PTPRN2: variants seen among roughly 807,000 people sequenced by gnomAD.
PTPRN2 encodes the protein protein tyrosine phosphatase receptor type N2, also known as receptor-type tyrosine-protein phosphatase N2.
In PTPRN2, 74 loss-of-function variants were observed where a neutral mutation model predicts 118.8. The observed-to-expected ratio is 0.62, with a 90% CI of 0.52 to 0.76. The LOEUF is 0.76. Ranked by LOEUF, PTPRN2 falls within the 30% of genes least tolerant of loss-of-function variation. The pLI, the probability that PTPRN2 is intolerant of heterozygous loss-of-function variation, is 0.00. For synonymous variants in PTPRN2, 641 were observed against 608.0 expected (o/e 1.05, Z -0.80); for missense variants, 1,481 against 1,394.4 (o/e 1.06, Z -0.99).
chr7:157,841,945 T>TC (rs1288046547), intron 12 of PTPRN2, among the ~76,000 whole-genome samples: 1 of 151,880 alleles, frequency 6.6e-6, no homozygotes, highest in Non-Finnish European at 1.5e-5. Flanking sequence ...TCCCTTTCTC[T>TC]CCCCCATAAT....
intron 12 of PTPRN2, among the ~76,000 whole-genome samples, chr7:157,897,248 C>CT (rs1797180407): frequency 6.6e-6 from 1 of 152,126 alleles, no homozygotes; most frequent in Non-Finnish European, 1.5e-5. Context: ...AGGAGACGCA[C>CT]CTCCGACATC....
chr7:158,439,915 T>G (rs1192888739), intron 2 of PTPRN2, among the ~76,000 whole-genome samples: 2 of 152,212 alleles, frequency 1.3e-5, no homozygotes, highest in Non-Finnish European at 2.9e-5. Flanking sequence ...GGCTGACTGA[T>G]TTATTGATGA....
intron 3 of PTPRN2, among the ~76,000 whole-genome samples, chr7:158,238,669 C>G (rs952067386): frequency 4.6e-5 from 7 of 152,262 alleles, no homozygotes; most frequent in Admixed American, 2.0e-4. Flanking sequence ...AAGCACGGGT[C>G]GCAGCTCCAC....
At chr7:158,482,696 A>G (rs1820731297) in intron 2 of PTPRN2, among the ~76,000 whole-genome samples, 1 of 152,112 alleles carries the variant, frequency 6.6e-6, no homozygotes, top group Admixed American at 6.5e-5. Flanking sequence ...CTGGAATTGA[A>G]CCCACAATAT....
intron 2 of PTPRN2, among the ~76,000 whole-genome samples, chr7:158,393,760 TG>T: frequency 6.6e-6 from 1 of 152,132 alleles, no homozygotes; most frequent in Non-Finnish European, 1.5e-5. Flanking sequence ...ATGACGTGAT[TG>T]CAACACACTT....
chr7:157,816,505 A>G (rs1303991841), intron 12 of PTPRN2, among the ~76,000 whole-genome samples: 2 of 152,214 alleles, frequency 1.3e-5, no homozygotes, highest in Non-Finnish European at 2.9e-5. Flanking sequence ...GCTGCACTGG[A>G]TATGAGTGAG....
chr7:158,332,774 C>A (rs55778281), intron 2 of PTPRN2, among the ~76,000 whole-genome samples: 1 of 151,990 alleles, frequency 6.6e-6, no homozygotes, highest in South Asian at 2.1e-4. Flanking sequence ...CACACCCATA[C>A]TCTCACCATA....
At chr7:157,788,164 A>G (rs2151068957) in intron 12 of PTPRN2, among the ~76,000 whole-genome samples, 1 of 152,266 alleles carries the variant, frequency 6.6e-6, no homozygotes, top group East Asian at 1.9e-4. Context: ...TCACGAGGTC[A>G]GGAGATCGAG....
intron 12 of PTPRN2, among the ~76,000 whole-genome samples, chr7:157,751,005 C>T (rs902838075): frequency 2.6e-5 from 4 of 152,224 alleles, no homozygotes; most frequent in Admixed American, 6.5e-5. Flanking sequence ...GCTACTCGAC[C>T]GTGGGCTCTA....
intron 7 of PTPRN2, 37 bp downstream of exon 7, chr7:158,138,257 C>A: frequency 1.3e-6 from 2 of 1,593,410 alleles, no homozygotes; most frequent in South Asian, 1.1e-5. Context: ...CTCCCCGCAG[C>A]ACCCCTGGGT....
chr7:158,167,974 A>G (rs549927055), intron 5 of PTPRN2, among the ~76,000 whole-genome samples: 5 of 152,322 alleles, frequency 3.3e-5, no homozygotes, highest in Admixed American at 6.5e-5. Context: ...GTATTCATTT[A>G]TGAGTCTGTG....
chr7:158,252,515 C>T (rs6962178), intron 3 of PTPRN2, among the ~76,000 whole-genome samples: 1 of 151,740 alleles, frequency 6.6e-6, no homozygotes, highest in Non-Finnish European at 1.5e-5. Context: ...TCCCTCACTA[C>T]CCCCCAGCCC....
intron 2 of PTPRN2, among the ~76,000 whole-genome samples, chr7:158,428,064 A>G (rs1815879514): frequency 6.6e-6 from 1 of 152,244 alleles, no homozygotes; most frequent in Admixed American, 6.5e-5. Flanking sequence ...CCGAGGACTT[A>G]CATTCTGATT....
chr7:158,180,424 G>A (rs1824600725), intron 5 of PTPRN2, among the ~76,000 whole-genome samples: 2 of 152,170 alleles, frequency 1.3e-5, no homozygotes, highest in African/African-American at 4.8e-5. Flanking sequence ...CTCCAGATCT[G>A]TTCTTTTTGT....
chr7:157,875,391 C>T (rs940809312), intron 12 of PTPRN2, among the ~76,000 whole-genome samples: 2 of 152,192 alleles, frequency 1.3e-5, no homozygotes, highest in Admixed American at 6.5e-5. Context: ...AAACCTCTAT[C>T]GGCAGTTTCT....
intron 2 of PTPRN2, among the ~76,000 whole-genome samples, chr7:158,327,792 C>T (rs1031602226): frequency 1.3e-5 from 2 of 152,130 alleles, no homozygotes; most frequent in African/African-American, 2.4e-5. Context: ...TCTGTAAATC[C>T]CGGTGCCCTG....
chr7:157,822,113 C>T (rs1806881207), intron 12 of PTPRN2, among the ~76,000 whole-genome samples: 1 of 151,904 alleles, frequency 6.6e-6, no homozygotes, highest in Non-Finnish European at 1.5e-5. Flanking sequence ...TCCATCCACT[C>T]ATCCACTATC....
intron 11 of PTPRN2, among the ~76,000 whole-genome samples, chr7:158,046,839 G>A (rs540723430): frequency 6.6e-6 from 1 of 152,232 alleles, no homozygotes; most frequent in East Asian, 1.9e-4. Context: ...TTGAGGCGCC[G>A]AGCTCTTGTC....
At chr7:158,081,488 G>T in intron 10 of PTPRN2, 111 bp from the exon 11 acceptor site, 1 of 991,858 alleles carries the variant, frequency 1.0e-6, no homozygotes. Context: ...AACATCCAAG[G>T]CCGCTGTGGC....
Sources: allele counts gnomAD v4.1 joint callset (sites outside exome capture counted in the v4.1 genomes callset), GRCh38; gene constraint gnomAD v4.1.1; transcripts MANE v1.5; gene names NCBI Gene and HGNC (gene_info 2026-07-23, HGNC 2026-07-21).